SOX6: variants seen among roughly 807,000 people sequenced by gnomAD.
The protein encoded by SOX6 is SRY-box transcription factor 6.
In SOX6, 11 loss-of-function variants were observed where a neutral mutation model predicts 97.8. The observed-to-expected ratio is 0.11, with a 90% CI of 0.07 to 0.19. The LOEUF is 0.19. Among genes scored for constraint, SOX6 ranks in the 10% least tolerant of loss-of-function variants. SOX6 has a pLI of 1.00. For synonymous variants in SOX6, 360 were observed against 371.4 expected (o/e 0.97, Z 0.35); for missense variants, 810 against 1,039.5 (o/e 0.78, Z 3.04).
intron 4 of SOX6, among the ~76,000 whole-genome samples, chr11:16,529,319 C>A (rs911495869): frequency 6.6e-6 from 1 of 152,026 alleles, no homozygotes; most frequent in Non-Finnish European, 1.5e-5. Flanking sequence ...GGCCTCCAAG[C>A]CAGATAGCCA....
intron 6 of SOX6, among the ~76,000 whole-genome samples, chr11:16,123,808 C>T (rs1849548465): frequency 6.6e-6 from 1 of 152,004 alleles, no homozygotes; most frequent in African/African-American, 2.4e-5. Flanking sequence ...TATTTAGTGC[C>T]ATTTTCATAA....
At chr11:16,199,793 A>T (rs1040341127) in intron 4 of SOX6, among the ~76,000 whole-genome samples, 1 of 152,192 alleles carries the variant, frequency 6.6e-6, no homozygotes, top group African/African-American at 2.4e-5. Flanking sequence ...AAAATATTAC[A>T]TCTAGAAATT....
chr11:16,530,989 A>G (rs1861228803), intron 4 of SOX6, among the ~76,000 whole-genome samples: 1 of 147,540 alleles, frequency 6.8e-6, no homozygotes. Context: ...AAATATATAT[A>G]ATGTTAAAAT....
rs1468235003 is a variant in SOX6 at position 16,571,535 on chromosome 11, A to G, written n.609+40546T>C. Among the ~76,000 whole-genome samples the G allele has an allele frequency of 2.8e-4, 43 of 152,130 alleles. 1 individual carries two copies. The highest frequency in any genetic ancestry group is 2.8e-3 in the Admixed American group (43 of 15,270). ...GACCTGGAACTCCTGGGCTCAAGCA[A>G]TCTTCCCACCTCAGTCTCCTTAGCA... On this transcript the variant is annotated intron_variant and non_coding_transcript_variant, in intron 4 of 5. Transcript: ENST00000524520.
At chr11:16,687,711 T>C (rs141492883) in intron 3 of SOX6, among the ~76,000 whole-genome samples, 1 of 152,330 alleles carries the variant, frequency 6.6e-6, no homozygotes, top group East Asian at 1.9e-4. Flanking sequence ...ATTTATAATT[T>C]TTTAGAGTCC....
intron 4 of SOX6, among the ~76,000 whole-genome samples, chr11:16,553,090 T>C (rs1457721884): frequency 7.9e-5 from 12 of 152,134 alleles, no homozygotes; most frequent in Non-Finnish European, 1.3e-4. Flanking sequence ...ACCCAAGAAT[T>C]TATCATCTAA....
chr11:16,417,052 T>C (rs1858940204), intron 1 of SOX6, among the ~76,000 whole-genome samples: 1 of 152,158 alleles, frequency 6.6e-6, no homozygotes, highest in Non-Finnish European at 1.5e-5. Flanking sequence ...AGTGGAAGTA[T>C]TGTCCTGCTT....
At chr11:16,011,752 G>T (rs1408624362) in intron 13 of SOX6, among the ~76,000 whole-genome samples, 1 of 152,014 alleles carries the variant, frequency 6.6e-6, no homozygotes, top group East Asian at 1.9e-4. Flanking sequence ...GGGTAGACAT[G>T]GGGGGAGGGC....
chr11:16,644,065 G>A (rs999761971), intron 3 of SOX6, among the ~76,000 whole-genome samples: 4 of 152,034 alleles, frequency 2.6e-5, no homozygotes, highest in African/African-American at 9.7e-5. Flanking sequence ...CACTGACATA[G>A]GGTCTCATTC....
intron 4 of SOX6, among the ~76,000 whole-genome samples, chr11:16,232,138 T>C (rs1852872909): frequency 6.6e-6 from 1 of 151,892 alleles, no homozygotes; most frequent in Admixed American, 6.6e-5. Context: ...TCCTCAAAGA[T>C]ATAATTTAGG....
chr11:16,617,795 A>C (rs1275934752), intron 3 of SOX6, among the ~76,000 whole-genome samples: 2 of 151,896 alleles, frequency 1.3e-5, no homozygotes, highest in African/African-American at 4.8e-5. Context: ...TTAAGAGTAC[A>C]TTCTGAAAAA....
At chr11:16,628,601 C>T (rs1043182065) in intron 3 of SOX6, among the ~76,000 whole-genome samples, 25 of 142,942 alleles carry the variant, frequency 1.7e-4, no homozygotes, top group African/African-American at 5.5e-4. Context: ...CCAGCCTAGG[C>T]GACAGCAAGA....
chr11:16,398,745 C>G (rs867871221), intron 1 of SOX6, among the ~76,000 whole-genome samples: 79 of 150,478 alleles, frequency 5.2e-4, no homozygotes, highest in African/African-American at 1.9e-3. Context: ...GCAGACATGG[C>G]AGCCAGTGGT....
At chr11:16,540,319 T>C (rs564026260) in intron 4 of SOX6, among the ~76,000 whole-genome samples, 7 of 152,068 alleles carry the variant, frequency 4.6e-5, no homozygotes, top group African/African-American at 7.2e-5. Flanking sequence ...TGGGACATAT[T>C]TCAAAATAAT....
At chr11:16,101,268 A>C (rs1035297536) in intron 7 of SOX6, among the ~76,000 whole-genome samples, 1 of 151,674 alleles carries the variant, frequency 6.6e-6, no homozygotes, top group African/African-American at 2.4e-5. Context: ...ATTTGTCTTT[A>C]TGCGAAACCA....
intron 2 of SOX6, among the ~76,000 whole-genome samples, chr11:16,723,013 G>GAC (rs375691006): frequency 3.3e-5 from 5 of 151,914 alleles, no homozygotes; most frequent in East Asian, 1.9e-4. Context: ...TCTACCATAA[G>GAC]ACACACACAC....
chr11:16,036,330 T>G (rs966529625), intron 12 of SOX6, among the ~76,000 whole-genome samples: 44 of 152,046 alleles, frequency 2.9e-4, no homozygotes, highest in Non-Finnish European at 8.8e-5. Flanking sequence ...CCACCCGCCT[T>G]GGCCTCCAAA....
At chr11:16,388,497 A>G (rs1858065825) in intron 1 of SOX6, among the ~76,000 whole-genome samples, 2 of 152,064 alleles carry the variant, frequency 1.3e-5, no homozygotes, top group Admixed American at 1.3e-4. Flanking sequence ...TAAATATTTG[A>G]TAGAATCCAC....
chr11:16,426,700 G>A (rs1465800484), intron 1 of SOX6, among the ~76,000 whole-genome samples: 1 of 151,696 alleles, frequency 6.6e-6, no homozygotes, highest in Non-Finnish European at 1.5e-5. Context: ...GGATCACGAG[G>A]TCAGGAGATC....
Sources: allele counts gnomAD v4.1 joint callset (sites outside exome capture counted in the v4.1 genomes callset), GRCh38; gene constraint gnomAD v4.1.1; transcripts MANE v1.5; gene names NCBI Gene and HGNC (gene_info 2026-07-23, HGNC 2026-07-21).